KCNIP1: variants seen among roughly 807,000 people sequenced by gnomAD.
The protein encoded by KCNIP1 is A-type potassium channel modulatory protein KCNIP1.
In KCNIP1, 18 loss-of-function variants were observed where a neutral mutation model predicts 33.0. That is an observed-to-expected ratio of 0.55 (90% confidence interval 0.38 to 0.81). The LOEUF (loss-of-function observed/expected upper bound fraction) is 0.81, where lower values mean the gene tolerates loss of function less well. Among genes scored for constraint, KCNIP1 ranks in the 30% least tolerant of loss-of-function variants. The pLI, the probability that KCNIP1 is intolerant of heterozygous loss-of-function variation, is 0.00. For missense variants in KCNIP1, 238 were observed against 271.6 expected, an observed-to-expected ratio of 0.88 and a Z score of 0.87; for synonymous variants, 93 against 98.3, an observed-to-expected ratio of 0.95 and a Z score of 0.32.
chr5:170,392,640 T>C (rs891117601), intron 1 of KCNIP1, among the ~76,000 whole-genome samples: 4 of 152,182 alleles, frequency 2.6e-5, no homozygotes, highest in African/African-American at 9.6e-5. Context: ...CTGGCCAACA[T>C]GGCGAAACCC....
intron 1 of KCNIP1, among the ~76,000 whole-genome samples, chr5:170,532,954 G>A (rs188961290): frequency 1.3e-5 from 2 of 152,314 alleles, no homozygotes; most frequent in African/African-American, 4.8e-5. Flanking sequence ...CAAGCATGTA[G>A]CCTTCCGGAT....
chr5:170,582,577 C>T (rs1047628716), intron 1 of KCNIP1, among the ~76,000 whole-genome samples: 1 of 152,194 alleles, frequency 6.6e-6, no homozygotes, highest in African/African-American at 2.4e-5. Flanking sequence ...GCACATAGGT[C>T]ACCAATCTCA....
At chr5:170,512,857 G>A (rs556454271) in intron 1 of KCNIP1, among the ~76,000 whole-genome samples, 3 of 152,210 alleles carry the variant, frequency 2.0e-5, no homozygotes, top group African/African-American at 4.8e-5. Flanking sequence ...AGACCATCCC[G>A]GCTAACACGG....
At chr5:170,628,109 T>G (rs550961734) in intron 1 of KCNIP1, among the ~76,000 whole-genome samples, 1 of 152,144 alleles carries the variant, frequency 6.6e-6, no homozygotes, top group Non-Finnish European at 1.5e-5. Flanking sequence ...AGAGACAGCA[T>G]TGGAAGATAA....
intron 1 of KCNIP1, among the ~76,000 whole-genome samples, chr5:170,682,764 G>A (rs936445969): frequency 7.9e-6 from 1 of 126,416 alleles, no homozygotes; most frequent in Non-Finnish European, 1.7e-5. Context: ...TAATGCAACA[G>A]CGTCCTATTT....
intron 1 of KCNIP1, among the ~76,000 whole-genome samples, chr5:170,615,147 G>A (rs1309099589): frequency 6.6e-6 from 1 of 152,204 alleles, no homozygotes; most frequent in Non-Finnish European, 1.5e-5. Flanking sequence ...CCCGGGAGGT[G>A]GAGTTTGCAG....
intron 1 of KCNIP1, among the ~76,000 whole-genome samples, chr5:170,612,653 G>A (rs1025534990): frequency 3.3e-5 from 5 of 152,190 alleles, no homozygotes; most frequent in Admixed American, 3.3e-4. Context: ...TTAATGGAGT[G>A]GAGTCCCGTT....
chr5:170,559,657 G>A (rs1168971087), intron 1 of KCNIP1, among the ~76,000 whole-genome samples: 1 of 152,124 alleles, frequency 6.6e-6, no homozygotes, highest in Non-Finnish European at 1.5e-5. Flanking sequence ...TCCCCTCTAG[G>A]CTGGGTTCCT....
At chr5:170,505,093 T>A (rs1039010569) in intron 1 of KCNIP1, among the ~76,000 whole-genome samples, 29 of 152,190 alleles carry the variant, frequency 1.9e-4, no homozygotes, top group Non-Finnish European at 7.3e-5. Context: ...GAGTGCTCTG[T>A]CTGCACCCCC....
chr5:170,726,470 A>G (rs901315018), intron 5 of KCNIP1, among the ~76,000 whole-genome samples: 4 of 152,214 alleles, frequency 2.6e-5, no homozygotes, highest in African/African-American at 4.8e-5. Context: ...AAGACTGATA[A>G]TACCAAGCAT....
At chr5:170,360,876 C>T (rs549430652) in intron 1 of KCNIP1, among the ~76,000 whole-genome samples, 10 of 152,338 alleles carry the variant, frequency 6.6e-5, no homozygotes, top group African/African-American at 2.2e-4. Flanking sequence ...CCCTGCCGAG[C>T]AACATCAGGC....
chr5:170,733,913 C>G lies in KCNIP1; in HGVS notation c.603+15C>G, dbSNP rs779607670. ...CATGTCAGGAGGTAAGGAGAGATCT[C>G]AGGGCACAATAACTCTACATCTGGG... On this transcript the variant is annotated intron_variant, in intron 7 of 7. Transcript: ENST00000328939. The G allele has an allele frequency of 6.2e-7, 1 of 1,608,150 alleles. No homozygotes were observed. The highest frequency in any genetic ancestry group is 1.1e-5 in the South Asian group (1 of 90,818).
rs80301240 is a variant in KCNIP1 at position 170,534,395 on chromosome 5, G to C, written c.61+29762G>C. Among the ~76,000 whole-genome samples, 604 of 152,170 alleles carry C rather than the reference G, an allele frequency of 4.0e-3. 9 individuals are homozygous for C. The highest frequency in any genetic ancestry group is 0.014 in the African/African-American group (573 of 41,512). ...GGGTAGGTGGAGGCTGTGGTAAGCA[G>C]TGATTGCACCACTGTACTCCAACGT... On this transcript the variant is annotated intron_variant, in intron 1 of 7. Transcript: ENST00000328939.
At chr5:170,448,062 C>G (rs1756160914) in intron 1 of KCNIP1, among the ~76,000 whole-genome samples, 1 of 152,052 alleles carries the variant, frequency 6.6e-6, no homozygotes, top group Admixed American at 6.5e-5. Context: ...CATCCTGACC[C>G]TGGATTTTAC....
At chr5:170,677,050 C>T (rs1227826028) in intron 1 of KCNIP1, among the ~76,000 whole-genome samples, 2 of 152,202 alleles carry the variant, frequency 1.3e-5, no homozygotes, top group Non-Finnish European at 2.9e-5. Context: ...ACTATACGTA[C>T]TCAATATATG....
intron 1 of KCNIP1, among the ~76,000 whole-genome samples, chr5:170,598,564 A>G (rs1258759752): frequency 6.6e-6 from 1 of 152,184 alleles, no homozygotes; most frequent in African/African-American, 2.4e-5. Flanking sequence ...GGAAAAAGCA[A>G]AGAACCAGGA....
chr5:170,393,741 G>T (rs928483478), intron 1 of KCNIP1, among the ~76,000 whole-genome samples: 2 of 152,068 alleles, frequency 1.3e-5, no homozygotes, highest in Admixed American at 6.5e-5. Context: ...TGGTAAAGTT[G>T]TTCCCTGCTG....
At chr5:170,373,304 T>C (rs918675586) in intron 1 of KCNIP1, among the ~76,000 whole-genome samples, 1 of 152,186 alleles carries the variant, frequency 6.6e-6, no homozygotes, top group African/African-American at 2.4e-5. Context: ...CCAGTGGGAA[T>C]CTGATGGAGC....
chr5:170,469,500 GT>G (rs1756676909), intron 1 of KCNIP1, among the ~76,000 whole-genome samples: 1 of 152,214 alleles, frequency 6.6e-6, no homozygotes, highest in Non-Finnish European at 1.5e-5. Context: ...CCTTTGGGGT[GT>G]GGCCTCATGC....
Sources: gnomAD v4.1 joint callset for allele counts (sites outside exome capture counted in the v4.1 genomes callset) on GRCh38, gnomAD v4.1.1 for gene constraint, MANE v1.5 for transcripts, NCBI Gene and HGNC (gene_info 2026-07-23, HGNC 2026-07-21) for gene names.